Variants in PARD3 observed in about 807,000 individuals in gnomAD.
The protein encoded by PARD3 is partitioning defective 3 homolog.
Under a neutral mutation model 155.4 loss-of-function variants are expected in PARD3, and 75 were observed. The observed-to-expected ratio is 0.48, with a 90% CI of 0.40 to 0.58. The LOEUF (loss-of-function observed/expected upper bound fraction) is 0.58, where lower values mean the gene tolerates loss of function less well. Among genes scored for constraint, PARD3 ranks in the 20% least tolerant of loss-of-function variants. PARD3 has a pLI of 0.00. For synonymous variants in PARD3, 576 were observed against 610.5 expected (o/e 0.94, Z 0.83); for missense variants, 1,642 against 1,721.7 (o/e 0.95, Z 0.82).
chr10:34,500,654 A>T (rs568692148), intron 3 of PARD3, among the ~76,000 whole-genome samples: 4 of 152,270 alleles, frequency 2.6e-5, no homozygotes, highest in Admixed American at 2.6e-4. Flanking sequence ...AGGTGGGAGA[A>T]CAGCTTGAAC....
chr10:34,294,597 A>C (rs1956821421), intron 20 of PARD3, among the ~76,000 whole-genome samples: 2 of 152,214 alleles, frequency 1.3e-5, no homozygotes, highest in Non-Finnish European at 2.9e-5. Flanking sequence ...CTACAGAGTA[A>C]ATTAAGAGGT....
At chr10:34,761,253 A>C (rs1245438473) in intron 1 of PARD3, among the ~76,000 whole-genome samples, 1 of 152,048 alleles carries the variant, frequency 6.6e-6, no homozygotes, top group Non-Finnish European at 1.5e-5. Flanking sequence ...TCTACTAAAA[A>C]TACAAAAATT....
intron 22 of PARD3, among the ~76,000 whole-genome samples, chr10:34,145,221 A>ATATATATATATT (rs1491430560): frequency 5.9e-5 from 2 of 33,972 alleles, no homozygotes; most frequent in African/African-American, 2.7e-4. Context: ...ATATATATAT[A>ATATATATATATT]TTTTTTTTTT....
chr10:34,445,331 T>A (rs1421881191), intron 5 of PARD3, among the ~76,000 whole-genome samples: 2 of 152,064 alleles, frequency 1.3e-5, no homozygotes, highest in Non-Finnish European at 2.9e-5. Context: ...TGAGAGGGAG[T>A]TTTGTTTTGT....
At chr10:34,771,957 A>C (rs978819976) in intron 1 of PARD3, among the ~76,000 whole-genome samples, 1 of 152,180 alleles carries the variant, frequency 6.6e-6, no homozygotes, top group Non-Finnish European at 1.5e-5. Context: ...GCAGGGGTAA[A>C]AAGTCATTTG....
intron 2 of PARD3, among the ~76,000 whole-genome samples, chr10:34,594,963 C>A (rs992202583): frequency 1.4e-4 from 21 of 152,186 alleles, no homozygotes; most frequent in African/African-American, 4.8e-4. Context: ...TGGAGTCATT[C>A]TCTTTCTAAA....
intron 2 of PARD3, among the ~76,000 whole-genome samples, chr10:34,560,341 G>C (rs1462594690): frequency 6.6e-6 from 1 of 151,980 alleles, no homozygotes; most frequent in Non-Finnish European, 1.5e-5. Flanking sequence ...GAACACCGCC[G>C]TGCAGAAAAA....
intron 2 of PARD3, among the ~76,000 whole-genome samples, chr10:34,607,075 T>C (rs1414585979): frequency 2.6e-5 from 4 of 151,600 alleles, no homozygotes; most frequent in Non-Finnish European, 5.9e-5. Context: ...CGTTGAGAAA[T>C]GTGTTTCAGC....
intron 6 of PARD3, among the ~76,000 whole-genome samples, chr10:34,399,982 A>G (rs1843720844): frequency 6.6e-6 from 1 of 152,234 alleles, no homozygotes; most frequent in Non-Finnish European, 1.5e-5. Flanking sequence ...TGACAGTCCA[A>G]GGGAGATCAC....
At chr10:34,113,864 AC>A (rs1946528385) in intron 24 of PARD3, among the ~76,000 whole-genome samples, 1 of 152,194 alleles carries the variant, frequency 6.6e-6, no homozygotes, top group African/African-American at 2.4e-5. Context: ...ATGAAATAAC[AC>A]ATGTAAAGTG....
At chr10:34,147,964 C>A (rs1564432501) in intron 22 of PARD3, among the ~76,000 whole-genome samples, 1 of 152,116 alleles carries the variant, frequency 6.6e-6, no homozygotes, top group Non-Finnish European at 1.5e-5. Context: ...CTCAGCATGA[C>A]CCTTCCCAAG....
intron 23 of PARD3, among the ~76,000 whole-genome samples, chr10:34,125,251 G>A (rs1947221366): frequency 6.6e-6 from 1 of 152,132 alleles, no homozygotes; most frequent in African/African-American, 2.4e-5. Context: ...ATTTTTAGTA[G>A]AGACGGGGTT....
intron 1 of PARD3, among the ~76,000 whole-genome samples, chr10:34,781,251 C>T (rs940087209): frequency 1.3e-5 from 2 of 152,226 alleles, no homozygotes; most frequent in African/African-American, 4.8e-5. Context: ...AAAGAGATAC[C>T]CCTCTGCAGG....
chr10:34,347,864 A>G (rs1355623220), intron 15 of PARD3, 101 bp downstream of exon 15: 7 of 803,764 alleles, frequency 8.7e-6, no homozygotes, highest in Non-Finnish European at 1.2e-5. Flanking sequence ...ATTTACATTA[A>G]TATTACACTA....
At chr10:34,500,547 G>C (rs1227527434) in intron 3 of PARD3, among the ~76,000 whole-genome samples, 1 of 152,100 alleles carries the variant, frequency 6.6e-6, no homozygotes, top group Non-Finnish European at 1.5e-5. Flanking sequence ...TTTGAGACCA[G>C]CCTGGCCAAC....
intron 5 of PARD3, among the ~76,000 whole-genome samples, chr10:34,402,707 AAG>A (rs1487412693): frequency 1.5e-4 from 23 of 152,258 alleles, no homozygotes; most frequent in African/African-American, 5.1e-4. Flanking sequence ...GAAATTCAAT[AAG>A]TTTGCTGGTG....
intron 2 of PARD3, among the ~76,000 whole-genome samples, chr10:34,672,046 T>C (rs955767525): frequency 6.6e-5 from 10 of 151,742 alleles, no homozygotes; most frequent in Non-Finnish European, 7.4e-5. Flanking sequence ...TGATGGTGCA[T>C]GCCTGTCAGC....
chr10:34,416,783 T>C (rs1232462566), intron 5 of PARD3, among the ~76,000 whole-genome samples: 2 of 152,316 alleles, frequency 1.3e-5, no homozygotes, highest in East Asian at 3.9e-4. Context: ...TTTTGTGACT[T>C]TAAATACCTT....
intron 22 of PARD3, among the ~76,000 whole-genome samples, chr10:34,262,351 C>G (rs1202105466): frequency 6.6e-6 from 1 of 152,090 alleles, no homozygotes; most frequent in Non-Finnish European, 1.5e-5. Context: ...ACTGCAGCCT[C>G]AAACTCCTGG....
Sources: gnomAD v4.1 joint callset for allele counts (sites outside exome capture counted in the v4.1 genomes callset) on GRCh38, gnomAD v4.1.1 for gene constraint, MANE v1.5 for transcripts, NCBI Gene and HGNC (gene_info 2026-07-23, HGNC 2026-07-21) for gene names.